The following CENPO variants were observed in gnomAD, a reference collection of about 807,000 sequenced individuals.
The protein encoded by CENPO is centromeric protein O.
CENPO carries 30 observed loss-of-function variants against 36.1 expected under a neutral mutation model. The ratio of observed to expected loss-of-function variants is 0.83; its 90% CI spans 0.62 to 1.13. The LOEUF (loss-of-function observed/expected upper bound fraction) is 1.13, where lower values mean the gene tolerates loss of function less well. Ranked by LOEUF, CENPO falls within the 50% of genes most tolerant of loss-of-function variation. CENPO has a pLI of 0.00. For missense variants in CENPO, 349 were observed against 357.8 expected (o/e 0.98, Z 0.20); for synonymous variants, 171 against 142.3 (o/e 1.20, Z -1.44).
Position 24,815,553 on chromosome 2 carries a change from G to T in CENPO, c.391G>T (p.Glu131Ter). 1 of 1,613,784 alleles carries T rather than the reference G, an allele frequency of 6.2e-7. No homozygotes were observed. Among genetic ancestry groups the T allele is most frequent in the Non-Finnish European group, 8.5e-7 (1 of 1,179,656 alleles). Reference protein sequence around the residue: ...GVCVCISTAFEGNLLDSYFVD... With the variant: ...GVCVCISTAF ...TTGTGTCTGCATCAGTACTGCTTTTGAGGGGAACCTATTGGATTCCTATTT... is the reference window on the plus strand; with the variant it reads ...TTGTGTCTGCATCAGTACTGCTTTTTAGGGGAACCTATTGGATTCCTATTT... Residue 131 changes from glutamate to a stop codon, truncating the protein, a stop_gained, in exon 5 of 8, where the codon GAG becomes TAG. Transcript: ENST00000380834. LOFTEE classifies it high-confidence loss of function.
rs1667412543 is a variant in CENPO, at chr2:24,820,352, G to A, written c.*1034G>A. 1.5e-6 allele frequency: 2 copies of A among 1,328,642 alleles called. No individual in the cohort carries two copies. Among genetic ancestry groups the A allele is most frequent in the East Asian group, 6.0e-5 (2 of 33,372 alleles). 82.3% of individuals were successfully genotyped at this position (1,328,642 alleles called of 1,614,324 possible). On this transcript the variant is annotated 3_prime_UTR_variant, in exon 8 of 8. Coordinates refer to ENST00000380834, the MANE Select transcript of CENPO (RefSeq NM_001322101.2). The stretch of plus-strand genomic sequence containing the variant: ...CATCCAGAGACTTCTCTCCTAGGAT[G>A]GCCATGGTCACCTGGGTGGCAGCAC...
Position 24,822,196 on chromosome 2 carries a change from A to G in CENPO, c.*2878A>G, listed in dbSNP as rs917260821. The G allele has an allele frequency of 5.5e-5, 13 of 237,954 alleles. No individual in the cohort carries two copies. The highest frequency in any genetic ancestry group is 9.0e-5 in the Non-Finnish European group (11 of 122,466). 14.7% of individuals were successfully genotyped at this position (237,954 alleles called of 1,614,324 possible). On this transcript the variant is annotated 3_prime_UTR_variant, in exon 8 of 8. Coordinates refer to ENST00000380834, the MANE Select transcript of CENPO (RefSeq NM_001322101.2). ...GCCGTCAGCCAGAGTTCTGAAGGCCATGCTTTCAGTTTCCCTTGTTGACAA... is the reference window on the plus strand; with the variant it reads ...GCCGTCAGCCAGAGTTCTGAAGGCCGTGCTTTCAGTTTCCCTTGTTGACAA...
rs1054008672 is a variant in CENPO, at chr2:24,817,822, G to A, written c.*16G>A. On this transcript the variant is annotated 3_prime_UTR_variant, in exon 7 of 8. Coordinates refer to ENST00000380834, the MANE Select transcript of CENPO (RefSeq NM_001322101.2). ...GGTCTCCTAATAGATTGTTTTCACT[G>A]CACTGGGAGCACATCAGAGGTAAGT... 3 of 1,613,846 alleles carry A rather than the reference G, an allele frequency of 1.9e-6. No homozygotes were observed. The African/African-American group carries it at 4.0e-5, about 22-fold the overall frequency.
chr2:24,806,883 T>C (rs1666430586), intron 3 of CENPO, among the ~76,000 whole-genome samples: 1 of 152,238 alleles, frequency 6.6e-6, no homozygotes, highest in East Asian at 1.9e-4. Flanking sequence ...TCTTTTATAT[T>C]GCCTTTGTCC....
At chr2:24,817,097 G>A (rs1348298157) in intron 6 of CENPO, among the ~76,000 whole-genome samples, 2 of 152,118 alleles carry the variant, frequency 1.3e-5, no homozygotes, top group Non-Finnish European at 2.9e-5. Context: ...TGGGGGCCCT[G>A]CTTCAGGAAA....
intron 3 of CENPO, among the ~76,000 whole-genome samples, chr2:24,800,151 G>A (rs760020604): frequency 6.6e-6 from 1 of 152,162 alleles, no homozygotes; most frequent in Non-Finnish European, 1.5e-5. Flanking sequence ...CAGGCATGGA[G>A]GCAGGCGCCT....
intron 2 of CENPO, among the ~76,000 whole-genome samples, chr2:24,796,802 C>CA (rs1380428449): frequency 6.6e-6 from 1 of 151,650 alleles, no homozygotes; most frequent in East Asian, 1.9e-4. Flanking sequence ...AGAGTAGCTG[C>CA]AGGTGAAGGT....
chr2:24,801,639 A>C (rs1273162613), intron 3 of CENPO, among the ~76,000 whole-genome samples: 1 of 152,104 alleles, frequency 6.6e-6, no homozygotes, highest in Non-Finnish European at 1.5e-5. Flanking sequence ...ATAGTTGTAG[A>C]TATGTGGCAT....
chr2:24,815,005 C>T (rs1451700947), intron 4 of CENPO, among the ~76,000 whole-genome samples: 1 of 152,188 alleles, frequency 6.6e-6, no homozygotes, highest in East Asian at 1.9e-4. Context: ...CTTTGGGAGG[C>T]TGAGGCAGGA....
intron 3 of CENPO, among the ~76,000 whole-genome samples, chr2:24,803,819 G>A (rs1042664049): frequency 2.6e-5 from 4 of 152,302 alleles, no homozygotes; most frequent in African/African-American, 4.8e-5. Flanking sequence ...ATTTGGGGTG[G>A]AGAGTTCTGT....
At chr2:24,811,367 C>T (rs1282845987) in intron 3 of CENPO, among the ~76,000 whole-genome samples, 11 of 146,498 alleles carry the variant, frequency 7.5e-5, no homozygotes, top group Non-Finnish European at 1.3e-4. Flanking sequence ...CTGCAACCTC[C>T]GCCTCCTGAT....
Position 24,815,483 on chromosome 2 carries a change from C to A in CENPO, c.335-14C>A, listed in dbSNP as rs1487517608. 2 of 1,612,870 alleles carry A rather than the reference C, an allele frequency of 1.2e-6. No individual in the cohort carries two copies. The highest frequency in any genetic ancestry group is 8.5e-7 in the Non-Finnish European group (1 of 1,179,036). On this transcript the variant is annotated splice_polypyrimidine_tract_variant and intron_variant, in intron 4 of 7. Coordinates refer to ENST00000380834, the MANE Select transcript of CENPO (RefSeq NM_001322101.2). Reference sequence around the variant, plus strand: ...GGCCTGCTGTCTATTGAGGTGTCTTCTTGTTTGCCTCAGGCCTCAGTGGTA... The same window carrying A: ...GGCCTGCTGTCTATTGAGGTGTCTTATTGTTTGCCTCAGGCCTCAGTGGTA...
intron 3 of CENPO, 94 bp from the exon 4 acceptor site, chr2:24,814,282 G>A (rs1221686535): frequency 2.7e-6 from 2 of 747,684 alleles, no homozygotes; most frequent in African/African-American, 3.5e-5. Context: ...ATTATATCAT[G>A]TGCCTTGTAT....
chr2:24,814,914 C>G (rs1429134254), intron 4 of CENPO: 1 of 172,552 alleles, frequency 5.8e-6, no homozygotes, highest in African/African-American at 2.4e-5. Context: ...ACTGGGGACT[C>G]TGACAAATTA....
rs1030441287 is a variant in CENPO at position 24,820,563 on chromosome 2, G to C, written c.*1245G>C. The C allele has an allele frequency of 7.0e-7, 1 of 1,426,660 alleles. No homozygotes were observed. Among genetic ancestry groups the C allele is most frequent in the Admixed American group, 2.6e-5 (1 of 37,806 alleles). The allele number at this position is 1,426,660 out of a possible 1,614,324, so 88.4% of individuals were successfully genotyped here. On this transcript the variant is annotated 3_prime_UTR_variant, in exon 8 of 8. Transcript: ENST00000380834. ...GTGGAAGTGTTTCTTCCTGTGCTGA[G>C]GCTAGCTATTGCAGAGATTCTTTTC...
chr2:24,820,644 AG>A lies in CENPO; in HGVS notation c.*1330del. 1.3e-6 allele frequency: 2 copies of A among 1,584,054 alleles called. No homozygotes were observed. Among genetic ancestry groups the A allele is most frequent in the Middle Eastern group, 3.4e-4 (2 of 5,920 alleles). ...ACTGTTCAGGGCCAGGGTGGGAGGC[AG>A]GGGCACGTGGGAAAGCACTGTTCCG... On this transcript the variant is annotated 3_prime_UTR_variant, in exon 8 of 8. Coordinates refer to ENST00000380834, the MANE Select transcript of CENPO (RefSeq NM_001322101.2).
chr2:24,795,263 C>G (rs1011811455), intron 2 of CENPO, among the ~76,000 whole-genome samples: 18 of 152,124 alleles, frequency 1.2e-4, no homozygotes, highest in African/African-American at 4.3e-4. Flanking sequence ...CTGGTTTTAT[C>G]CCTCTGCTTG....
At chr2:24,818,643 CAGTTAGTT>C (rs3037272) in intron 7 of CENPO, among the ~76,000 whole-genome samples, 4 of 151,308 alleles carry the variant, frequency 2.6e-5, no homozygotes, top group Admixed American at 6.6e-5. Flanking sequence ...TGAAAAAGCA[CAGTTAGTT>C]AGTTAGAAAT....
intron 2 of CENPO, among the ~76,000 whole-genome samples, chr2:24,794,750 TC>T (rs1665808290): frequency 6.6e-6 from 1 of 152,244 alleles, no homozygotes; most frequent in South Asian, 2.1e-4. Context: ...TGTGGACAGT[TC>T]TGGTTTTGTG....
Sources: gnomAD v4.1 joint callset for allele counts (sites outside exome capture counted in the v4.1 genomes callset) on GRCh38, gnomAD v4.1.1 for gene constraint, MANE v1.5 for transcripts, NCBI Gene and HGNC (gene_info 2026-07-23, HGNC 2026-07-21) for gene names.